TMEM245: variants seen among roughly 807,000 people sequenced by gnomAD.
TMEM245 encodes transmembrane protein 245.
In TMEM245, 69 loss-of-function variants were observed where a neutral mutation model predicts 101.2. That is an observed-to-expected ratio of 0.68 (90% CI 0.56 to 0.83). TMEM245 has a LOEUF of 0.83. Among genes scored for constraint, TMEM245 ranks in the 40% least tolerant of loss-of-function variants. The pLI is 0.00. For synonymous variants in TMEM245, 537 were observed against 449.8 expected (o/e 1.19, Z -2.45); for missense variants, 1,075 against 1,092.8 (o/e 0.98, Z 0.23).
chr9:109,079,585 G>A (rs1033196787), intron 8 of TMEM245, among the ~76,000 whole-genome samples: 19 of 152,200 alleles, frequency 1.2e-4, no homozygotes, highest in African/African-American at 4.3e-4. Flanking sequence ...GCTCAGTTTG[G>A]ATGAATTCTA....
At chr9:109,084,229 T>A (rs1437760117) in intron 7 of TMEM245, among the ~76,000 whole-genome samples, 1 of 152,196 alleles carries the variant, frequency 6.6e-6, no homozygotes, top group African/African-American at 2.4e-5. Context: ...CATACCAACA[T>A]TACCCAGTGC....
At chr9:109,025,438 G>A (rs917202973) in intron 17 of TMEM245, among the ~76,000 whole-genome samples, 4 of 152,158 alleles carry the variant, frequency 2.6e-5, no homozygotes, top group Admixed American at 6.5e-5. Flanking sequence ...TTAAGAAAGC[G>A]TGTACAAAAA....
chr9:109,095,815 A>G (rs1182123616), intron 3 of TMEM245, among the ~76,000 whole-genome samples: 2 of 152,164 alleles, frequency 1.3e-5, no homozygotes, highest in Non-Finnish European at 2.9e-5. Context: ...ACCACACTCA[A>G]CTGCCTCTCA....
chr9:109,113,307 T>A (rs182874579), intron 1 of TMEM245, among the ~76,000 whole-genome samples: 135 of 152,350 alleles, frequency 8.9e-4, no homozygotes, highest in African/African-American at 3.2e-3. Flanking sequence ...AAATCTTCAC[T>A]AACACGGAAA....
chr9:109,043,283 C>T (rs982534797), intron 14 of TMEM245, among the ~76,000 whole-genome samples: 10 of 152,170 alleles, frequency 6.6e-5, no homozygotes, highest in African/African-American at 7.2e-5. Flanking sequence ...TCACGATAGA[C>T]GTGGACTTCT....
chr9:109,103,763 G>A (rs2132626403), intron 3 of TMEM245, among the ~76,000 whole-genome samples: 1 of 152,188 alleles, frequency 6.6e-6, no homozygotes, highest in Non-Finnish European at 1.5e-5. Context: ...CGGGGAAGCT[G>A]GAAGTGGTTA....
chr9:109,057,736 G>A (rs1451125358), intron 11 of TMEM245, among the ~76,000 whole-genome samples: 1 of 151,982 alleles, frequency 6.6e-6, no homozygotes, highest in Admixed American at 6.6e-5. Flanking sequence ...GGGTGACAGA[G>A]CAAGACTCTG....
chr9:109,091,463 T>C (rs1564201890), intron 4 of TMEM245, among the ~76,000 whole-genome samples: 1 of 152,204 alleles, frequency 6.6e-6, no homozygotes, highest in Non-Finnish European at 1.5e-5. Flanking sequence ...ATAAAACTTA[T>C]TCAAACTATT....
At chr9:109,073,614 C>T (rs113321309) in intron 8 of TMEM245, among the ~76,000 whole-genome samples, 176 bp from the exon 9 acceptor site, 1,820 of 152,182 alleles carry the variant, frequency 0.012, 40 homozygotes, top group African/African-American at 0.042. Context: ...TCTAATGATA[C>T]GCACTACGGG....
At chr9:109,109,528 C>A (rs1830514725) in intron 1 of TMEM245, among the ~76,000 whole-genome samples, 1 of 151,566 alleles carries the variant, frequency 6.6e-6, no homozygotes, top group East Asian at 1.9e-4. Context: ...CTAAAAAAGA[C>A]AGAAAAAAAC....
chr9:109,021,900 G>A (rs1345612993), intron 17 of TMEM245, among the ~76,000 whole-genome samples: 2 of 152,072 alleles, frequency 1.3e-5, no homozygotes, highest in African/African-American at 4.8e-5. Context: ...CAAAACCTAA[G>A]GAACAGCTCA....
intron 8 of TMEM245, among the ~76,000 whole-genome samples, chr9:109,074,315 C>T (rs1213906432): frequency 6.6e-6 from 1 of 152,082 alleles, no homozygotes; most frequent in Non-Finnish European, 1.5e-5. Flanking sequence ...AGGAAAGAAA[C>T]ATAATCTGAT....
chr9:109,071,871 A>C (rs1829345611), intron 9 of TMEM245, among the ~76,000 whole-genome samples: 1 of 152,160 alleles, frequency 6.6e-6, no homozygotes, highest in South Asian at 2.1e-4. Flanking sequence ...CCAGAAGCCA[A>C]ATTACACAGA....
intron 3 of TMEM245, among the ~76,000 whole-genome samples, chr9:109,095,622 C>T (rs571803056): frequency 5.3e-5 from 8 of 152,282 alleles, no homozygotes; most frequent in Middle Eastern, 3.4e-3. Flanking sequence ...GGAAGAAGAA[C>T]GCACTGAAGA....
At chr9:109,083,916 A>ACAAAAAACAAAAC (rs781014271) in intron 7 of TMEM245, among the ~76,000 whole-genome samples, 5 of 132,502 alleles carry the variant, frequency 3.8e-5, no homozygotes, top group Non-Finnish European at 8.1e-5. Context: ...AAAAAAAAAA[A>ACAAAAAACAAAAC]AAAAAAAAAA....
At chr9:109,056,943 A>G (rs1828856490) in intron 12 of TMEM245, among the ~76,000 whole-genome samples, 1 of 152,208 alleles carries the variant, frequency 6.6e-6, no homozygotes, top group South Asian at 2.1e-4. Flanking sequence ...GTGCCTCTCC[A>G]GTAGTCCAGC....
chr9:109,107,789 C>T lies in TMEM245; in HGVS notation c.697+664G>A, dbSNP rs1588080453. Reference sequence around the variant, plus strand: ...CAAACTTGGGAGATGAAAGTCTCAACCATAAGTACCACGCTGAAAAATCAA... The same window carrying T: ...CAAACTTGGGAGATGAAAGTCTCAATCATAAGTACCACGCTGAAAAATCAA... On this transcript the variant is annotated intron_variant, in intron 2 of 17. Transcript: ENST00000374586. Among the ~76,000 whole-genome samples the T allele has an allele frequency of 4.6e-5, 7 of 152,254 alleles. 1 individual carries two copies. The highest frequency in any genetic ancestry group is 4.6e-4 in the Admixed American group (7 of 15,284).
At chr9:109,105,722 G>C (rs934577382) in intron 3 of TMEM245, among the ~76,000 whole-genome samples, 1 of 151,992 alleles carries the variant, frequency 6.6e-6, no homozygotes, top group East Asian at 1.9e-4. Context: ...TAATGAAAAT[G>C]TCTTGGAACT....
chr9:109,015,163 C>T lies in TMEM245; in HGVS notation c.*5297G>A, dbSNP rs1359657394. 1.3e-5 allele frequency: 2 copies of T among 151,972 alleles called. No homozygotes were observed. Among genetic ancestry groups the T allele is most frequent in the Non-Finnish European group, 2.9e-5 (2 of 68,032 alleles). The allele number at this position is 151,972 out of a possible 1,614,324, so 9.4% of individuals were successfully genotyped here. A position where few individuals can be genotyped will look rare whatever the true frequency, so the allele number is the denominator to read the frequency against. ...AGTTTACCACATGATTCATTCAACA[C>T]TAGTAATTTTATTTCAAAATATAAA... On this transcript the variant is annotated 3_prime_UTR_variant, in exon 18 of 18. Transcript: ENST00000374586.
Sources: allele counts gnomAD v4.1 joint callset (sites outside exome capture counted in the v4.1 genomes callset), GRCh38; gene constraint gnomAD v4.1.1; transcripts MANE v1.5; gene names NCBI Gene and HGNC (gene_info 2026-07-23, HGNC 2026-07-21).